ZBBX: variants seen among roughly 807,000 people sequenced by gnomAD.
The protein encoded by ZBBX is zinc finger B-box domain-containing protein 1.
In ZBBX, 101 loss-of-function variants were observed where a neutral mutation model predicts 108.5. That is an observed-to-expected ratio of 0.93 (90% CI 0.79 to 1.10). The LOEUF (loss-of-function observed/expected upper bound fraction) is 1.10. Among genes scored for constraint, ZBBX ranks in the 50% least tolerant of loss-of-function variants. ZBBX has a pLI of 0.00. For synonymous variants in ZBBX, 356 were observed against 323.4 expected (o/e 1.10, Z -1.08); for missense variants, 1,009 against 941.4 (o/e 1.07, Z -0.94).
At chr3:167,375,713 C>T (rs1746854949) in intron 2 of ZBBX, among the ~76,000 whole-genome samples, 1 of 151,922 alleles carries the variant, frequency 6.6e-6, no homozygotes, top group Non-Finnish European at 1.5e-5. Context: ...TCACTCAAAC[C>T]TACCTCCAAA....
At chr3:167,205,198 A>G in the ZBBX span, among the ~76,000 whole-genome samples, 1 of 152,086 alleles carries the variant, frequency 6.6e-6, no homozygotes, top group African/African-American at 2.4e-5. Flanking sequence ...TTTCCATAGA[A>G]GGTCTATTAC....
chr3:167,256,725 A>G (rs1053737558), intron 20 of ZBBX, among the ~76,000 whole-genome samples: 1 of 151,638 alleles, frequency 6.6e-6, no homozygotes, highest in Non-Finnish European at 1.5e-5. Flanking sequence ...ACGTGCTATA[A>G]TTGTCTTTCT....
At chr3:167,333,414 G>A (rs2108400188) in intron 10 of ZBBX, among the ~76,000 whole-genome samples, 1 of 152,132 alleles carries the variant, frequency 6.6e-6, no homozygotes, top group African/African-American at 2.4e-5. Context: ...TATAAATCTG[G>A]TTTTATATAA....
At chr3:167,193,470 C>A in the ZBBX span, among the ~76,000 whole-genome samples, 4 of 152,262 alleles carry the variant, frequency 2.6e-5, no homozygotes, top group South Asian at 8.3e-4. Flanking sequence ...CTCTGGCTAT[C>A]CTCAGTGGTA....
At position 167,305,774 on chromosome 3, in the gene ZBBX, A is replaced by C. The variant is rs771690201; in HGVS notation, c.1594T>G (p.Leu532Val). Reference protein sequence around the residue: ...SCVSLESKDTLLGRDLEKAPI... With the variant: ...SCVSLESKDTVLGRDLEKAPI... ...GCTTTTTCTAAATCTCTACCTAGCA[A>C]AGTGTCCTTGCTTTCAAGTGATACA... The change falls in exon 17 of 22, where the codon TTG becomes GTG. Residue 532 changes from leucine (L) to valine (V), a missense_variant. Transcript: ENST00000675490. The C allele has an allele frequency of 4.2e-5, 68 of 1,612,796 alleles. No homozygotes were observed. Among genetic ancestry groups the C allele is most frequent in the Non-Finnish European group, 5.6e-5 (66 of 1,179,480 alleles).
intron 16 of ZBBX, among the ~76,000 whole-genome samples, chr3:167,312,258 A>G (rs973141624): frequency 2.0e-5 from 3 of 152,188 alleles, no homozygotes; most frequent in African/African-American, 4.8e-5. Context: ...AAAAAAAATC[A>G]GTGGTTGCCA....
Position 167,377,443 on chromosome 3 carries a change from A to G in ZBBX, c.-132+2195T>C, listed in dbSNP as rs181919275. Among the ~76,000 whole-genome samples, 905 of 152,302 alleles carry G rather than the reference A, an allele frequency of 5.9e-3. 4 individuals are homozygous for G. Among genetic ancestry groups the G allele is most frequent in the Middle Eastern group, 0.01 (3 of 294 alleles). The stretch of plus-strand genomic sequence containing the variant: ...TCAGATCATGCTAGGCACAAGACTT[A>G]AAAACCATACCATAAATAGGGATTT... On this transcript the variant is annotated intron_variant, in intron 2 of 21. Transcript: ENST00000675490.
At chr3:167,254,602 A>G (rs569055740) in intron 20 of ZBBX, among the ~76,000 whole-genome samples, 3 of 152,272 alleles carry the variant, frequency 2.0e-5, no homozygotes, top group Admixed American at 2.0e-4. Flanking sequence ...AAGAAATATA[A>G]GTAATACTTT....
chr3:167,367,581 C>A (rs538874820), intron 5 of ZBBX, among the ~76,000 whole-genome samples: 1 of 122,184 alleles, frequency 8.2e-6, no homozygotes, highest in Non-Finnish European at 1.7e-5. Context: ...TAGATGAACT[C>A]ATTTGTAAAA....
chr3:167,273,498 G>C (rs182270819), intron 20 of ZBBX, among the ~76,000 whole-genome samples: 1 of 152,126 alleles, frequency 6.6e-6, no homozygotes, highest in African/African-American at 2.4e-5. Flanking sequence ...ATTCAGCTTC[G>C]GTCTTCTGCT....
chr3:167,394,555 A>AT (rs148670572), intron 1 of ZBBX, among the ~76,000 whole-genome samples: 141 of 149,440 alleles, frequency 9.4e-4, no homozygotes, highest in African/African-American at 1.2e-3. Flanking sequence ...TCTCAAACTC[A>AT]TTTTTTTTTT....
chr3:167,285,233 T>TA (rs1211366927), intron 19 of ZBBX, among the ~76,000 whole-genome samples: 5 of 152,018 alleles, frequency 3.3e-5, no homozygotes, highest in Admixed American at 3.3e-4. Flanking sequence ...GGTAAGGATA[T>TA]AAAAAATAGG....
chr3:167,180,104 G>A, the ZBBX span, among the ~76,000 whole-genome samples: 1 of 152,044 alleles, frequency 6.6e-6, no homozygotes, highest in Non-Finnish European at 1.5e-5. Context: ...TCTTGCTCTC[G>A]AACAACAACA....
intron 20 of ZBBX, among the ~76,000 whole-genome samples, chr3:167,271,376 C>T (rs1045376859): frequency 2.6e-5 from 4 of 152,206 alleles, no homozygotes; most frequent in Non-Finnish European, 5.9e-5. Context: ...GATAGCCAAG[C>T]AGGCTGCCGT....
At chr3:167,351,800 A>C (rs1402738895) in intron 8 of ZBBX, among the ~76,000 whole-genome samples, 2 of 152,134 alleles carry the variant, frequency 1.3e-5, no homozygotes, top group Non-Finnish European at 2.9e-5. Flanking sequence ...GGGGAGCAAG[A>C]GGGGAAGCTG....
the ZBBX span, among the ~76,000 whole-genome samples, chr3:167,193,887 T>C: frequency 6.6e-6 from 1 of 152,054 alleles, no homozygotes; most frequent in Non-Finnish European, 1.5e-5. Context: ...GAAACACAAA[T>C]ATTGCATTTT....
intron 8 of ZBBX, among the ~76,000 whole-genome samples, chr3:167,352,104 C>G (rs1233250975): frequency 6.6e-6 from 1 of 151,362 alleles, no homozygotes; most frequent in Non-Finnish European, 1.5e-5. Context: ...AGAGAACAAA[C>G]CAAACCCAAA....
At chr3:167,341,328 C>G (rs570515843) in intron 9 of ZBBX, among the ~76,000 whole-genome samples, 1 of 151,688 alleles carries the variant, frequency 6.6e-6, no homozygotes, top group East Asian at 1.9e-4. Flanking sequence ...AACATGAAAT[C>G]TGGACTCAGT....
At chr3:167,299,436 T>C (rs1732242356) in intron 17 of ZBBX, among the ~76,000 whole-genome samples, 1 of 152,140 alleles carries the variant, frequency 6.6e-6, no homozygotes, top group Admixed American at 6.5e-5. Context: ...TACAGAATTC[T>C]TTCCACTCTA....
Sources: gnomAD v4.1 joint callset for allele counts (sites outside exome capture counted in the v4.1 genomes callset) on GRCh38, gnomAD v4.1.1 for gene constraint, MANE v1.5 for transcripts, NCBI Gene and HGNC (gene_info 2026-07-23, HGNC 2026-07-21) for gene names.